Variants in SHISA9 observed in about 807,000 individuals in gnomAD.
SHISA9 encodes protein shisa-9.
A neutral mutation model predicts 38.0 loss-of-function variants in SHISA9; 13 were observed. The ratio of observed to expected loss-of-function variants is 0.34; its 90% CI spans 0.22 to 0.54. The LOEUF is 0.54. Ranked by LOEUF, SHISA9 falls within the 20% of genes least tolerant of loss-of-function variation. The pLI is 0.91. For missense variants in SHISA9, 538 were observed against 575.8 expected (o/e 0.93, Z 0.67); for synonymous variants, 275 against 242.0 (o/e 1.14, Z -1.27).
At chr16:13,501,843 A>C in the SHISA9 span, among the ~76,000 whole-genome samples, 103 of 152,246 alleles carry the variant, frequency 6.8e-4, no homozygotes, top group African/African-American at 2.4e-3. Context: ...CTCTACTAAA[A>C]ATACAAAAAT....
At chr16:13,466,577 G>T in the SHISA9 span, among the ~76,000 whole-genome samples, 6 of 151,956 alleles carry the variant, frequency 3.9e-5, no homozygotes, top group South Asian at 2.1e-4. Context: ...TGTTGTTGTT[G>T]TTTTTTTAAA....
intron 4 of SHISA9, among the ~76,000 whole-genome samples, chr16:13,233,684 C>T (rs976112223): frequency 4.6e-5 from 7 of 152,174 alleles, no homozygotes; most frequent in African/African-American, 7.2e-5. Flanking sequence ...GATTTGGCCC[C>T]GTGGGCTATA....
At chr16:12,925,207 A>G (rs910342513) in intron 2 of SHISA9, among the ~76,000 whole-genome samples, 1 of 152,060 alleles carries the variant, frequency 6.6e-6, no homozygotes, top group African/African-American at 2.4e-5. Flanking sequence ...AATGCAGATG[A>G]GAAATGAAGA....
chr16:13,530,906 G>A, the SHISA9 span, among the ~76,000 whole-genome samples: 1 of 152,094 alleles, frequency 6.6e-6, no homozygotes, highest in Non-Finnish European at 1.5e-5. Context: ...GAGACTTCTG[G>A]GAAAAGTTTT....
intron 2 of SHISA9, among the ~76,000 whole-genome samples, chr16:13,174,103 T>G (rs1346672517): frequency 1.3e-5 from 2 of 152,166 alleles, no homozygotes; most frequent in Admixed American, 1.3e-4. Flanking sequence ...CTGGTTGATC[T>G]CCAAGGTCTT....
At chr16:13,034,155 A>T (rs924309769) in intron 2 of SHISA9, among the ~76,000 whole-genome samples, 1 of 151,698 alleles carries the variant, frequency 6.6e-6, no homozygotes, top group African/African-American at 2.4e-5. Flanking sequence ...TCAAAAAAAA[A>T]AAAAAAATAC....
chr16:13,276,571 A>G, the SHISA9 span, among the ~76,000 whole-genome samples: 1 of 152,100 alleles, frequency 6.6e-6, no homozygotes, highest in Non-Finnish European at 1.5e-5. Context: ...TATCCATGCC[A>G]ACATCTACTG....
At chr16:13,046,243 C>T (rs2073187466) in intron 2 of SHISA9, among the ~76,000 whole-genome samples, 1 of 152,140 alleles carries the variant, frequency 6.6e-6, no homozygotes, top group African/African-American at 2.4e-5. Context: ...CAGAAGGGAC[C>T]TTATTGAGGG....
the SHISA9 span, among the ~76,000 whole-genome samples, chr16:13,392,958 C>T: frequency 1.3e-5 from 2 of 152,222 alleles, no homozygotes; most frequent in East Asian, 1.9e-4. Context: ...TGATAAATGT[C>T]TGGCTTTTAA....
At chr16:13,288,477 CAAAG>C in the SHISA9 span, among the ~76,000 whole-genome samples, 2 of 151,592 alleles carry the variant, frequency 1.3e-5, no homozygotes, top group Non-Finnish European at 2.9e-5. Context: ...GAGAGAGAGA[CAAAG>C]AGAGACAGAG....
chr16:13,477,703 G>T, the SHISA9 span, among the ~76,000 whole-genome samples: 2 of 152,220 alleles, frequency 1.3e-5, no homozygotes, highest in Non-Finnish European at 2.9e-5. Context: ...GATGGCTCAT[G>T]CCTGTAATCC....
At chr16:13,056,382 G>A (rs1046383629) in intron 2 of SHISA9, among the ~76,000 whole-genome samples, 1 of 152,166 alleles carries the variant, frequency 6.6e-6, no homozygotes, top group African/African-American at 2.4e-5. Context: ...TGAAGGCAAG[G>A]AGATAAAGTC....
At chr16:12,974,124 G>A (rs1236210036) in intron 2 of SHISA9, among the ~76,000 whole-genome samples, 1 of 152,078 alleles carries the variant, frequency 6.6e-6, no homozygotes, top group Non-Finnish European at 1.5e-5. Flanking sequence ...AAGGGACCAG[G>A]GAGTTCCAAG....
the SHISA9 span, among the ~76,000 whole-genome samples, chr16:13,409,057 G>A: frequency 6.6e-6 from 1 of 152,180 alleles, no homozygotes; most frequent in African/African-American, 2.4e-5. Flanking sequence ...AGCAGGAGAT[G>A]ACCAGATGAG....
intron 2 of SHISA9, among the ~76,000 whole-genome samples, chr16:13,196,666 T>G (rs992997988): frequency 1.3e-5 from 2 of 152,246 alleles, no homozygotes; most frequent in African/African-American, 4.8e-5. Flanking sequence ...ATTCATTCAC[T>G]GTGACAAATA....
intron 2 of SHISA9, among the ~76,000 whole-genome samples, chr16:12,930,157 C>A (rs2141741214): frequency 6.6e-6 from 1 of 152,340 alleles, no homozygotes; most frequent in South Asian, 2.1e-4. Context: ...CTACTGTATT[C>A]CCAGTGCCTA....
At chr16:13,526,946 T>C in the SHISA9 span, among the ~76,000 whole-genome samples, 24 of 151,510 alleles carry the variant, frequency 1.6e-4, no homozygotes, top group African/African-American at 5.8e-4. Flanking sequence ...GACTTCTTTT[T>C]TTAGAGACAA....
At chr16:12,933,295 T>G in intron 2 of SHISA9, among the ~76,000 whole-genome samples, 1 of 152,110 alleles carries the variant, frequency 6.6e-6, no homozygotes, top group African/African-American at 2.4e-5. Flanking sequence ...GAGTTGTCTT[T>G]GTTGTCTTTT....
At chr16:12,929,552 C>A (rs761073589) in intron 2 of SHISA9, among the ~76,000 whole-genome samples, 1 of 151,922 alleles carries the variant, frequency 6.6e-6, no homozygotes, top group South Asian at 2.1e-4. Flanking sequence ...GAAAAGCAAA[C>A]ACTGCATGTT....
Sources: allele counts gnomAD v4.1 joint callset (sites outside exome capture counted in the v4.1 genomes callset), GRCh38; gene constraint gnomAD v4.1.1; transcripts MANE v1.5; gene names NCBI Gene and HGNC (gene_info 2026-07-23, HGNC 2026-07-21).